C7: variants seen among roughly 807,000 people sequenced by gnomAD.
C7 encodes complement component C7.
In C7, 83 loss-of-function variants were observed where a neutral mutation model predicts 104.8. That is an observed-to-expected ratio of 0.79 (90% confidence interval 0.66 to 0.95). The LOEUF (loss-of-function observed/expected upper bound fraction) is 0.95. C7 is among the 40% of genes least tolerant of loss of function. The pLI, the probability that C7 is intolerant of heterozygous loss-of-function variation, is 0.00. For missense variants in C7, 1,070 were observed against 1,011.2 expected, an observed-to-expected ratio of 1.06 and a Z score of -0.79; for synonymous variants, 415 against 360.6, an observed-to-expected ratio of 1.15 and a Z score of -1.71.
At chr5:40,951,346 G>T (rs534228793) in intron 9 of C7, among the ~76,000 whole-genome samples, 1 of 152,138 alleles carries the variant, frequency 6.6e-6, no homozygotes, top group East Asian at 1.9e-4. Context: ...AGTTTCCTTT[G>T]CTGTGCAGAT....
intron 10 of C7, among the ~76,000 whole-genome samples, chr5:40,957,698 C>T (rs532507097): frequency 6.6e-6 from 1 of 152,052 alleles, no homozygotes; most frequent in South Asian, 2.1e-4. Flanking sequence ...CAGGTGATCC[C>T]CCCTGCCGCA....
intron 6 of C7, among the ~76,000 whole-genome samples, chr5:40,940,149 C>A (rs1241864436): frequency 6.6e-6 from 1 of 152,162 alleles, no homozygotes; most frequent in Non-Finnish European, 1.5e-5. Context: ...TGGAAAGTGA[C>A]TTTTGGCTTA....
rs10061457 is a variant in C7, at chr5:40,921,773, A to C, written c.7-6807A>C. ...TACATTGGGCTGGGCATGGTGGCTT[A>C]TGCCTGTAATCCCAGCACTTTGGAA... On this transcript the variant is annotated intron_variant, in intron 1 of 17. Coordinates refer to ENST00000313164, the MANE Select transcript of C7 (RefSeq NM_000587.4). Among the ~76,000 whole-genome samples, 1,126 of 152,274 alleles carry C rather than the reference A, an allele frequency of 7.4e-3. 17 individuals carry two copies. The highest frequency in any genetic ancestry group is 0.026 in the African/African-American group (1,082 of 41,542).
At chr5:40,965,410 CAT>C (rs373490924) in intron 14 of C7, among the ~76,000 whole-genome samples, 5 of 151,912 alleles carry the variant, frequency 3.3e-5, no homozygotes, top group African/African-American at 2.4e-5. Flanking sequence ...CACACACACA[CAT>C]ACATATATTT....
intron 14 of C7, among the ~76,000 whole-genome samples, chr5:40,969,574 G>T (rs1252544992): frequency 6.6e-6 from 1 of 152,178 alleles, no homozygotes; most frequent in East Asian, 1.9e-4. Flanking sequence ...TTATGTCTGG[G>T]TTATCTCTAT....
chr5:40,966,838 A>G (rs58796354), intron 14 of C7, among the ~76,000 whole-genome samples: 15,809 of 152,070 alleles, frequency 0.1, 1,103 homozygotes, highest in Non-Finnish European at 0.15. Flanking sequence ...TCATTGACTG[A>G]TGGGCATTGT....
chr5:40,963,573 A>C (rs1740467266), intron 13 of C7, among the ~76,000 whole-genome samples: 1 of 152,170 alleles, frequency 6.6e-6, no homozygotes, highest in Non-Finnish European at 1.5e-5. Context: ...AGGAGATATC[A>C]GGAAATCTTG....
chr5:40,966,022 A>G (rs1740543929), intron 14 of C7, among the ~76,000 whole-genome samples: 1 of 152,052 alleles, frequency 6.6e-6, no homozygotes, highest in Admixed American at 6.6e-5. Flanking sequence ...TATTCTTTGG[A>G]GAAATGGCTG....
chr5:40,969,040 C>G (rs962356762), intron 14 of C7, among the ~76,000 whole-genome samples: 3 of 152,128 alleles, frequency 2.0e-5, no homozygotes, highest in Non-Finnish European at 4.4e-5. Flanking sequence ...GAGCGCCCAT[C>G]TACTTCCTTA....
chr5:40,972,608 A>T lies in C7; in HGVS notation c.2074+14A>T. Reference sequence around the variant, plus strand: ...GTGTACAAAAAGGTGAGTGGCTTCCATGTCTATCCAAGGACACTTGTACCC... The same window carrying T: ...GTGTACAAAAAGGTGAGTGGCTTCCTTGTCTATCCAAGGACACTTGTACCC... On this transcript the variant is annotated intron_variant, in intron 15 of 17. Transcript: ENST00000313164. The T allele has an allele frequency of 6.3e-7, 1 of 1,574,856 alleles. No individual in the cohort carries two copies. The highest frequency in any genetic ancestry group is 8.6e-7 in the Non-Finnish European group (1 of 1,161,804).
intron 16 of C7, 50 bp downstream of exon 16, chr5:40,976,890 G>C: frequency 7.3e-7 from 1 of 1,370,802 alleles, no homozygotes. Context: ...TAATGATAAG[G>C]GATAATTTCT....
At chr5:40,915,063 G>A (rs16870514) in intron 1 of C7, among the ~76,000 whole-genome samples, 10,687 of 152,224 alleles carry the variant, frequency 0.07, 694 homozygotes, top group East Asian at 0.34. Flanking sequence ...AAGCAGGCAT[G>A]GGTGAGAATC....
intron 1 of C7, among the ~76,000 whole-genome samples, chr5:40,916,657 G>T (rs1374701263): frequency 1.3e-5 from 2 of 152,088 alleles, no homozygotes; most frequent in East Asian, 3.9e-4. Flanking sequence ...TGTCTTTAGA[G>T]AATTCAGCGG....
rs1288539478 is a variant in C7 at position 40,934,357 on chromosome 5, G to A, written c.171G>A (p.Gln57=). ...GGCGGTCAGTTGCTGTGTATGGGCAGTATGGAGGCCAGCCTTGTGTTGGAA... is the reference window on the plus strand; with the variant it reads ...GGCGGTCAGTTGCTGTGTATGGGCAATATGGAGGCCAGCCTTGTGTTGGAA... The part of the protein sequence containing the change: ...TRRRSVAVYG[Q]YGGQPCVGNA... The change falls in exon 4 of 18, where the codon CAG becomes CAA. Residue 57 remains glutamine (Q), a synonymous_variant. Coordinates refer to ENST00000313164, the MANE Select transcript of C7 (RefSeq NM_000587.4). 4.3e-6 allele frequency: 7 copies of A among 1,613,534 alleles called. No individual in the cohort carries two copies. Among genetic ancestry groups the A allele is most frequent in the Middle Eastern group, 1.7e-4 (1 of 6,058 alleles).
chr5:40,926,369 GCCACTTTT>G, intron 1 of C7, among the ~76,000 whole-genome samples: 1 of 43,222 alleles, frequency 2.3e-5, no homozygotes, highest in Non-Finnish European at 4.0e-5. Context: ...GCCCACTTTT[GCCACTTTT>G]GCCACTTTTA....
chr5:40,964,610 A>G, intron 13 of C7, 131 bp from the exon 14 acceptor site: 2 of 745,424 alleles, frequency 2.7e-6, no homozygotes, highest in Non-Finnish European at 4.4e-6. Flanking sequence ...GTTTTTATAG[A>G]CACTTTTCTG....
Position 40,980,745 on chromosome 5 carries a change from C to T in C7, c.2351-647C>T, listed in dbSNP as rs569017074. On this transcript the variant is annotated intron_variant, in intron 17 of 17. Coordinates refer to ENST00000313164, the MANE Select transcript of C7 (RefSeq NM_000587.4). ...TGCCCTCCTGGCCTGTACCCGCTGG[C>T]ACCTGTCCCCTCACTCCCTCAAGGT... Among the ~76,000 whole-genome samples, 3 of 152,334 alleles carry T rather than the reference C, an allele frequency of 2.0e-5. No homozygotes were observed. In the South Asian group the frequency reaches 6.2e-4, roughly 32 times the overall value.
chr5:40,914,526 G>C (rs774708765), intron 1 of C7, among the ~76,000 whole-genome samples: 1 of 152,006 alleles, frequency 6.6e-6, no homozygotes. Flanking sequence ...CCTTAGTTAT[G>C]AATTCTTGGC....
intron 17 of C7, among the ~76,000 whole-genome samples, chr5:40,980,588 C>T (rs1480103605): frequency 6.6e-6 from 1 of 152,234 alleles, no homozygotes; most frequent in African/African-American, 2.4e-5. Flanking sequence ...GCAAACCTCC[C>T]ATGATTTGGG....
Sources: allele counts gnomAD v4.1 joint callset (sites outside exome capture counted in the v4.1 genomes callset), GRCh38; gene constraint gnomAD v4.1.1; transcripts MANE v1.5; gene names NCBI Gene and HGNC (gene_info 2026-07-23, HGNC 2026-07-21).